Variants in PCDHA8 observed in about 807,000 individuals in gnomAD.
PCDHA8 encodes protocadherin alpha 8, also known as protocadherin alpha-8.
A neutral mutation model predicts 61.8 loss-of-function variants in PCDHA8; 53 were observed. The observed-to-expected ratio is 0.86, with a 90% confidence interval of 0.69 to 1.08. The LOEUF (loss-of-function observed/expected upper bound fraction) is 1.08, where lower values mean the gene tolerates loss of function less well. Among genes scored for constraint, PCDHA8 ranks in the 50% least tolerant of loss-of-function variants. PCDHA8 has a pLI of 0.00. For missense variants in PCDHA8, 1,293 were observed against 1,245.0 expected, an observed-to-expected ratio of 1.04 and a Z score of -0.58; for synonymous variants, 618 against 556.6, an observed-to-expected ratio of 1.11 and a Z score of -1.55.
chr5:141,011,750 A>T lies in PCDHA8; in HGVS notation c.*1813A>T, dbSNP rs1554263628. The T allele has an allele frequency of 6.5e-6, 1 of 153,696 alleles. No individual in the cohort carries two copies. Among genetic ancestry groups the T allele is most frequent in the Non-Finnish European group, 1.5e-5 (1 of 68,036 alleles). 9.5% of individuals were successfully genotyped at this position (153,696 alleles called of 1,614,324 possible). A position where few individuals can be genotyped will look rare whatever the true frequency, so the allele number is the denominator to read the frequency against. On this transcript the variant is annotated 3_prime_UTR_variant, in exon 4 of 4. Transcript: ENST00000531613. ...TGCAAGCACAAATTTTACCAATCTG[A>T]CCTCTTTGAAGTTGCAGAATGCTTT... is the stretch of plus-strand genomic sequence containing the variant.
chr5:140,870,315 C>T, intron 1 of PCDHA8: 1 of 1,614,234 alleles, frequency 6.2e-7, no homozygotes, highest in Non-Finnish European at 8.5e-7. Context: ...AGAATTACTA[C>T]TCGTTGGTGC....
At chr5:140,946,631 T>TATACAC (rs57893927) in intron 1 of PCDHA8, among the ~76,000 whole-genome samples, 2 of 131,842 alleles carry the variant, frequency 1.5e-5, no homozygotes, top group Non-Finnish European at 3.1e-5. Flanking sequence ...TATATATATA[T>TATACAC]ACAATGGAAT....
Position 140,982,498 on chromosome 5 carries a change from G to A in PCDHA8, c.2477G>A (p.Gly826Asp), listed in dbSNP as rs782347331. The change falls in exon 3 of 4, where the codon GGC becomes GAC. Residue 826 changes from glycine to aspartate, a missense_variant. By Grantham distance (94) the Gly-to-Asp change is moderately conservative. Transcript: ENST00000531613. ...AGCTCTGTGCACCTAGAGGAGGCTG[G>A]CATTCTACGGGCTGGTCCAGGAGGG... Reference protein sequence around the residue: ...MHSSVHLEEAGILRAGPGGPD... With the variant: ...MHSSVHLEEADILRAGPGGPD... 6 of 1,614,062 alleles carry A rather than the reference G, an allele frequency of 3.7e-6. No homozygotes were observed. The Admixed American group carries it at 5.0e-5, about 13-fold the overall frequency.
chr5:140,966,978 G>T lies in PCDHA8; in HGVS notation c.2395-11971G>T, dbSNP rs782662616. The stretch of plus-strand genomic sequence containing the variant: ...CGCGCGCTGGGGCTTGAGCTGCGGC[G>T]CTTGGGGCCGGGTTGCTTGCGCATC... On this transcript the variant is annotated intron_variant, in intron 1 of 3. Transcript: ENST00000531613. 3.1e-6 allele frequency: 5 copies of T among 1,603,218 alleles called. No homozygotes were observed. In the African/African-American group the frequency reaches 5.3e-5, roughly 17 times the overall value.
At chr5:140,876,141 AG>A in intron 1 of PCDHA8, 1 of 1,613,984 alleles carries the variant, frequency 6.2e-7, no homozygotes, top group Non-Finnish European at 8.5e-7. Context: ...CAGAACTAAC[AG>A]GGTCTGTCCA....
intron 1 of PCDHA8, among the ~76,000 whole-genome samples, chr5:140,890,513 C>T (rs1376774987): frequency 2.0e-5 from 3 of 151,948 alleles, no homozygotes; most frequent in Non-Finnish European, 4.4e-5. Flanking sequence ...GTCTCTATTT[C>T]CTTCCTTTGT....
intron 1 of PCDHA8, chr5:140,848,087 G>A (rs1781316611): frequency 5.9e-6 from 1 of 168,072 alleles, no homozygotes; most frequent in African/African-American, 2.4e-5. Flanking sequence ...AAACTTAAGT[G>A]GAGAGTTTTC....
chr5:140,902,734 C>T (rs1345954248), intron 1 of PCDHA8, among the ~76,000 whole-genome samples: 1 of 151,052 alleles, frequency 6.6e-6, no homozygotes, highest in Non-Finnish European at 1.5e-5. Flanking sequence ...CCCTCCAAGT[C>T]CCCCAAATCC....
rs150390468 is a variant in PCDHA8 at position 140,876,777 on chromosome 5, G to A, written c.2394+33062G>A. The A allele has an allele frequency of 2.3e-3, 3,781 of 1,614,244 alleles. 8 individuals carry two copies. Among genetic ancestry groups the A allele is most frequent in the Non-Finnish European group, 3.0e-3 (3,507 of 1,180,036 alleles). On this transcript the variant is annotated intron_variant, in intron 1 of 3. Coordinates refer to ENST00000531613, the MANE Select transcript of PCDHA8 (RefSeq NM_018911.3). ...CGCGGGATGGGGGCTCGCCTTCGCT[G>A]TGGGCCACGGCTAGAGTGTCCGTGG...
At chr5:140,855,836 A>T in intron 1 of PCDHA8, 3 of 600,200 alleles carry the variant, frequency 5.0e-6, no homozygotes, top group Non-Finnish European at 2.9e-6. Flanking sequence ...AATCGTACTT[A>T]CACCTAAAGC....
intron 1 of PCDHA8, among the ~76,000 whole-genome samples, chr5:140,903,228 C>T (rs1417505177): frequency 1.3e-5 from 2 of 152,112 alleles, no homozygotes; most frequent in Non-Finnish European, 2.9e-5. Flanking sequence ...ACATCTATTA[C>T]TTTTTGATTT....
chr5:140,967,873 C>T lies in PCDHA8; in HGVS notation c.2395-11076C>T, dbSNP rs1554230047. On this transcript the variant is annotated intron_variant, in intron 1 of 3. Transcript: ENST00000531613. ...ATGCCCCAGAGGTGGTGCTCACGGA[C>T]CTGTATAGCCCAGTGCCTGAGAATG... 1.9e-6 allele frequency: 3 copies of T among 1,614,152 alleles called. No homozygotes were observed. In the Admixed American group the frequency reaches 5.0e-5, roughly 27 times the overall value.
chr5:140,871,210 A>T (rs2052831697), intron 1 of PCDHA8: 2 of 1,613,818 alleles, frequency 1.2e-6, no homozygotes, highest in Middle Eastern at 1.7e-4. Flanking sequence ...GATCATCGCC[A>T]TCTGCGTGGT....
At position 140,848,822 on chromosome 5, in the gene PCDHA8, CG is replaced by C. The variant is rs2150421614; in HGVS notation, c.2394+5108del. ...AGTGCAGCATCCACCTGGAGGTGAT[CG>C]TAGACAGGCCGCTGCAGGTTTTCCA... is the stretch of plus-strand genomic sequence containing the variant. On this transcript the variant is annotated intron_variant, in intron 1 of 3. Coordinates refer to ENST00000531613, the MANE Select transcript of PCDHA8 (RefSeq NM_018911.3). 4.4e-6 allele frequency: 7 copies of C among 1,590,462 alleles called. 1 individual carries two copies. Among genetic ancestry groups the C allele is most frequent in the Admixed American group, 3.4e-5 (2 of 58,802 alleles).
chr5:140,962,516 A>C (rs1554226093), intron 1 of PCDHA8, among the ~76,000 whole-genome samples: 1 of 152,208 alleles, frequency 6.6e-6, no homozygotes, highest in Non-Finnish European at 1.5e-5. Flanking sequence ...ACTATCAATA[A>C]TATATTAGTT....
chr5:141,010,462 T>A lies in PCDHA8; in HGVS notation c.*525T>A. On this transcript the variant is annotated 3_prime_UTR_variant, in exon 4 of 4. Transcript: ENST00000531613. ...ACAAATAAACAGCGGAAGTTATCAGTATGGAGGGGAAGTGTAAACTTAAAG... is the reference window on the plus strand; with the variant it reads ...ACAAATAAACAGCGGAAGTTATCAGAATGGAGGGGAAGTGTAAACTTAAAG... The A allele has an allele frequency of 2.4e-6, 2 of 822,568 alleles. No individual in the cohort carries two copies. Among genetic ancestry groups the A allele is most frequent in the Non-Finnish European group, 3.6e-6 (2 of 552,664 alleles). The allele number at this position is 822,568 out of a possible 1,614,324, so 51.0% of individuals were successfully genotyped here.
At chr5:140,854,143 C>CA (rs1554147026) in intron 1 of PCDHA8, 3 of 432,586 alleles carry the variant, frequency 6.9e-6, no homozygotes, top group Non-Finnish European at 8.7e-6. Flanking sequence ...GCCCGGGTGA[C>CA]AGCAAGATTC....
intron 1 of PCDHA8, chr5:140,864,944 T>C (rs1359231248): frequency 1.3e-5 from 2 of 152,162 alleles, no homozygotes; most frequent in Non-Finnish European, 2.9e-5. Flanking sequence ...AGGCCTGTAA[T>C]CCCAGCATTT....
chr5:140,941,255 C>CTT (rs782490896), intron 1 of PCDHA8, among the ~76,000 whole-genome samples: 1,945 of 44,372 alleles, frequency 0.044, 20 homozygotes, highest in African/African-American at 0.075. Flanking sequence ...TTCTTTCTTT[C>CTT]TCTTTCTTTC....
Sources: allele counts gnomAD v4.1 joint callset (sites outside exome capture counted in the v4.1 genomes callset), GRCh38; gene constraint gnomAD v4.1.1; transcripts MANE v1.5; gene names NCBI Gene and HGNC (gene_info 2026-07-23, HGNC 2026-07-21).